The following PTPRT variants were observed in gnomAD, a reference collection of about 807,000 sequenced individuals.
The protein encoded by PTPRT is protein tyrosine phosphatase receptor type T.
PTPRT carries 56 observed loss-of-function variants against 176.8 expected under a neutral mutation model. That is an observed-to-expected ratio of 0.32 (90% confidence interval 0.26 to 0.40). PTPRT has a LOEUF of 0.40. Among genes scored for constraint, PTPRT ranks in the 10% least tolerant of loss-of-function variants. The pLI is 1.00. For synonymous variants in PTPRT, 783 were observed against 739.0 expected (o/e 1.06, Z -0.96); for missense variants, 1,540 against 1,908.2 (o/e 0.81, Z 3.60).
intron 1 of PTPRT, among the ~76,000 whole-genome samples, chr20:43,113,999 AATGT>A (rs1240468896): frequency 1.3e-5 from 2 of 152,222 alleles, no homozygotes; most frequent in African/African-American, 2.4e-5. Flanking sequence ...ATTACATATT[AATGT>A]AAAGGCCTAT....
chr20:42,939,556 C>T (rs1980413533), intron 1 of PTPRT, among the ~76,000 whole-genome samples: 1 of 152,084 alleles, frequency 6.6e-6, no homozygotes, highest in Non-Finnish European at 1.5e-5. Flanking sequence ...ACTGTTTTTT[C>T]GGTCAAATGG....
chr20:42,477,837 T>A (rs2071317643), intron 7 of PTPRT, among the ~76,000 whole-genome samples: 2 of 152,192 alleles, frequency 1.3e-5, no homozygotes. Context: ...GGATGCACCT[T>A]CTGTATGCTC....
At chr20:42,693,454 GATTT>G (rs2146127689) in intron 6 of PTPRT, among the ~76,000 whole-genome samples, 1 of 152,246 alleles carries the variant, frequency 6.6e-6, no homozygotes, top group Non-Finnish European at 1.5e-5. Flanking sequence ...AGGAAATTAA[GATTT>G]ATTATTAAGC....
At chr20:42,254,997 C>A (rs1017354059) in intron 13 of PTPRT, among the ~76,000 whole-genome samples, 1 of 152,190 alleles carries the variant, frequency 6.6e-6, no homozygotes, top group Admixed American at 6.5e-5. Flanking sequence ...CAGTCCATTC[C>A]CACCCCCTCA....
intron 2 of PTPRT, among the ~76,000 whole-genome samples, chr20:42,811,775 C>T (rs953874768): frequency 1.1e-4 from 16 of 152,032 alleles, no homozygotes; most frequent in Non-Finnish European, 1.8e-4. Flanking sequence ...TACTGTGAGT[C>T]CTATATTTAT....
intron 1 of PTPRT, among the ~76,000 whole-genome samples, chr20:42,974,671 C>T (rs1378467704): frequency 1.3e-5 from 2 of 152,172 alleles, no homozygotes; most frequent in African/African-American, 4.8e-5. Flanking sequence ...AAAATTAGTA[C>T]AAGTTCCACT....
chr20:42,387,564 A>C (rs2058756500), intron 9 of PTPRT, among the ~76,000 whole-genome samples: 1 of 152,172 alleles, frequency 6.6e-6, no homozygotes, highest in South Asian at 2.1e-4. Context: ...CCGTATCCAC[A>C]AAAATCTCAC....
rs183665789 is a variant in PTPRT at position 42,116,115 on chromosome 20, A to T, written c.2983-800T>A. ...CGCTGGGTGCTAATAGGTGTTAGGT[A>T]AAAAACAAGAAACAAAAAACAAACA... On this transcript the variant is annotated intron_variant, in intron 21 of 30. Transcript: ENST00000373187. 140 of 717,896 alleles carry T rather than the reference A, an allele frequency of 2.0e-4. No homozygotes were observed. In the African/African-American group the frequency reaches 2.3e-3, roughly 12 times the overall value. The allele number at this position is 717,896 out of a possible 1,614,324, so 44.5% of individuals were successfully genotyped here. A position where few individuals can be genotyped will look rare whatever the true frequency, so the allele number is the denominator to read the frequency against.
At chr20:42,884,980 T>G (rs1397459382) in intron 2 of PTPRT, among the ~76,000 whole-genome samples, 2 of 151,956 alleles carry the variant, frequency 1.3e-5, no homozygotes, top group African/African-American at 4.8e-5. Context: ...AAGACCTCCT[T>G]TGGGTACTTC....
intron 7 of PTPRT, among the ~76,000 whole-genome samples, chr20:42,518,870 C>A (rs2072117798): frequency 6.6e-6 from 1 of 151,804 alleles, no homozygotes; most frequent in Non-Finnish European, 1.5e-5. Flanking sequence ...TTCACTATAC[C>A]CTGTGTTTTA....
chr20:42,793,568 G>T (rs11698606), intron 2 of PTPRT, among the ~76,000 whole-genome samples: 2 of 152,146 alleles, frequency 1.3e-5, no homozygotes, highest in Non-Finnish European at 2.9e-5. Flanking sequence ...ACAAAGGTGC[G>T]GGTGTCTTTG....
intron 27 of PTPRT, among the ~76,000 whole-genome samples, chr20:42,087,897 A>G (rs1984167456): frequency 7.2e-6 from 1 of 139,250 alleles, no homozygotes; most frequent in Non-Finnish European, 1.6e-5. Context: ...AAAAAAAAAT[A>G]GAAGAAGAAG....
At chr20:42,515,924 A>G (rs910994696) in intron 7 of PTPRT, among the ~76,000 whole-genome samples, 42 of 150,468 alleles carry the variant, frequency 2.8e-4, no homozygotes, top group Non-Finnish European at 4.4e-5. Flanking sequence ...CTATGCAGCC[A>G]TAAAAAATGA....
At chr20:42,516,267 TA>T (rs60640519) in intron 7 of PTPRT, among the ~76,000 whole-genome samples, 2,725 of 144,804 alleles carry the variant, frequency 0.019, 73 homozygotes, top group African/African-American at 0.064. Context: ...AAAAATAAAT[TA>T]AAAAAAAAAA....
rs2076729696 is a variant in PTPRT at position 42,748,966 on chromosome 20, A to C, written c.859+7496T>G. 2.0e-5 allele frequency among the ~76,000 whole-genome samples: 3 copies of C among 151,932 alleles called. No individual in the cohort carries two copies. The South Asian group carries it at 6.2e-4, about 32-fold the overall frequency. ...CTCATGTCCCTAAAACCAAATAAGCACCTTGCACTCGGAACTCCTGCCCTG... is the reference window on the plus strand; with the variant it reads ...CTCATGTCCCTAAAACCAAATAAGCCCCTTGCACTCGGAACTCCTGCCCTG... On this transcript the variant is annotated intron_variant, in intron 6 of 30. Transcript: ENST00000373187.
intron 4 of PTPRT, among the ~76,000 whole-genome samples, chr20:42,774,867 A>T (rs1245332048): frequency 7.2e-5 from 11 of 152,082 alleles, no homozygotes; most frequent in Admixed American, 7.2e-4. Flanking sequence ...GATTGTGCTT[A>T]TGTGGGGGGC....
rs1450351841 is a variant in PTPRT, at chr20:42,078,018, C to T, written c.*2861G>A. On this transcript the variant is annotated 3_prime_UTR_variant, in exon 31 of 31. Coordinates refer to ENST00000373187, the MANE Select transcript of PTPRT (RefSeq NM_007050.6). ...CAAGATCTAAGAAAATAGCATACAG[C>T]AGGCAGATTTGCCATGCTACAGGCT... is the stretch of plus-strand genomic sequence containing the variant. 2 of 189,306 alleles carry T rather than the reference C, an allele frequency of 1.1e-5. No homozygotes were observed. Among genetic ancestry groups the T allele is most frequent in the Non-Finnish European group, 2.2e-5 (2 of 89,788 alleles). The allele number at this position is 189,306 out of a possible 1,614,324, so 11.7% of individuals were successfully genotyped here. A position where few individuals can be genotyped will look rare whatever the true frequency, so the allele number is the denominator to read the frequency against.
chr20:42,214,620 T>C (rs866845226), intron 15 of PTPRT, among the ~76,000 whole-genome samples: 1 of 152,368 alleles, frequency 6.6e-6, no homozygotes. Context: ...CCTCTATCTG[T>C]CTATCTCTGC....
At chr20:42,056,139 AG>A in the PTPRT span, among the ~76,000 whole-genome samples, 1 of 152,176 alleles carries the variant, frequency 6.6e-6, no homozygotes, top group Non-Finnish European at 1.5e-5. Flanking sequence ...AATTTAGATT[AG>A]TTTGACCTGA....
Sources: gnomAD v4.1 joint callset for allele counts (sites outside exome capture counted in the v4.1 genomes callset) on GRCh38, gnomAD v4.1.1 for gene constraint, MANE v1.5 for transcripts, NCBI Gene and HGNC (gene_info 2026-07-23, HGNC 2026-07-21) for gene names.